Variants in HS6ST3 observed in about 807,000 individuals in gnomAD.
HS6ST3 encodes heparan sulfate 6-O-sulfotransferase 3, also known as heparan-sulfate 6-O-sulfotransferase 3.
A neutral mutation model predicts 36.7 loss-of-function variants in HS6ST3; 12 were observed. The ratio of observed to expected loss-of-function variants is 0.33; its 90% CI spans 0.21 to 0.53. HS6ST3 has a LOEUF of 0.53. HS6ST3 is among the 20% of genes least tolerant of loss of function. The pLI, the probability that HS6ST3 is intolerant of heterozygous loss-of-function variation, is 0.95. For synonymous variants in HS6ST3, 240 were observed against 257.5 expected (o/e 0.93, Z 0.65); for missense variants, 584 against 640.9 (o/e 0.91, Z 0.96).
chr13:96,592,214 T>G (rs1594813903), intron 1 of HS6ST3, among the ~76,000 whole-genome samples: 1 of 152,254 alleles, frequency 6.6e-6, no homozygotes. Flanking sequence ...TCATAACCCA[T>G]TATTTTAAGC....
chr13:96,388,409 G>C (rs1156904517), intron 1 of HS6ST3, among the ~76,000 whole-genome samples: 5 of 152,186 alleles, frequency 3.3e-5, no homozygotes, highest in African/African-American at 1.2e-4. Context: ...CAATATTAAT[G>C]TACTGAACTA....
chr13:96,330,112 C>T (rs1282225944), intron 1 of HS6ST3, among the ~76,000 whole-genome samples: 1 of 139,162 alleles, frequency 7.2e-6, no homozygotes, highest in Non-Finnish European at 1.6e-5. Context: ...ATACAGCACA[C>T]TGATGGGTCT....
At chr13:96,787,770 G>C (rs1042263236) in intron 1 of HS6ST3, among the ~76,000 whole-genome samples, 2 of 151,872 alleles carry the variant, frequency 1.3e-5, no homozygotes, top group Non-Finnish European at 2.9e-5. Context: ...TTTTGATAAG[G>C]TCAAATATAT....
chr13:96,559,182 T>G (rs2056252666), intron 1 of HS6ST3, among the ~76,000 whole-genome samples: 1 of 152,090 alleles, frequency 6.6e-6, no homozygotes, highest in Non-Finnish European at 1.5e-5. Flanking sequence ...AGTGGTGTGA[T>G]CTCAGCTCAC....
intron 1 of HS6ST3, among the ~76,000 whole-genome samples, chr13:96,335,550 A>C (rs1056050024): frequency 1.3e-5 from 2 of 152,154 alleles, no homozygotes; most frequent in Non-Finnish European, 2.9e-5. Flanking sequence ...TACTTACTGC[A>C]TACACCAATG....
intron 1 of HS6ST3, among the ~76,000 whole-genome samples, chr13:96,122,728 C>G (rs2053932154): frequency 6.6e-6 from 1 of 152,118 alleles, no homozygotes; most frequent in Admixed American, 6.6e-5. Context: ...ATATCTGTCT[C>G]TTTGCTACAT....
intron 1 of HS6ST3, among the ~76,000 whole-genome samples, chr13:96,464,019 GTT>G (rs66703746): frequency 0.16 from 19,624 of 126,332 alleles, 1,658 homozygotes; most frequent in African/African-American, 0.24. Context: ...CCATAGACAG[GTT>G]TTTTTTTTTT....
chr13:96,464,947 CGT>C (rs71113997), intron 1 of HS6ST3, among the ~76,000 whole-genome samples: 5,276 of 145,418 alleles, frequency 0.036, 199 homozygotes, highest in African/African-American at 0.088. Flanking sequence ...CAAGATGCTT[CGT>C]GTGTGTGTGT....
rs545103976 is a variant in HS6ST3 at position 96,698,582 on chromosome 13, CA to C, written c.708-133905del. Among the ~76,000 whole-genome samples the C allele has an allele frequency of 7.2e-4, 110 of 152,108 alleles. 2 individuals are homozygous for C. Among genetic ancestry groups the C allele is most frequent in the Non-Finnish European group, 1.2e-3 (82 of 68,036 alleles). On this transcript the variant is annotated intron_variant, in intron 1 of 1. Transcript: ENST00000376705. ...TGAAGGACCTCTTCAAGGAGAACTGCAAACCATTGATCAATAAAATGAGAGG... is the reference window on the plus strand; with the variant it reads ...TGAAGGACCTCTTCAAGGAGAACTGCAACCATTGATCAATAAAATGAGAGG...
chr13:96,540,355 T>G (rs2056173133), intron 1 of HS6ST3, among the ~76,000 whole-genome samples: 1 of 152,258 alleles, frequency 6.6e-6, no homozygotes, highest in Non-Finnish European at 1.5e-5. Context: ...GTATAAAACT[T>G]AATTAAAATG....
intron 1 of HS6ST3, among the ~76,000 whole-genome samples, chr13:96,611,429 T>C (rs895543301): frequency 6.6e-6 from 1 of 152,168 alleles, no homozygotes; most frequent in Non-Finnish European, 1.5e-5. Context: ...TCAACAAATG[T>C]ATGAATGCCA....
At chr13:96,358,276 G>A (rs925330790) in intron 1 of HS6ST3, among the ~76,000 whole-genome samples, 1 of 142,588 alleles carries the variant, frequency 7.0e-6, no homozygotes, top group African/African-American at 2.9e-5. Context: ...GGAGAAAGGT[G>A]GTGGGGCATA....
intron 1 of HS6ST3, among the ~76,000 whole-genome samples, chr13:96,558,021 TATC>T (rs1262417517): frequency 6.6e-6 from 1 of 152,226 alleles, no homozygotes; most frequent in Non-Finnish European, 1.5e-5. Flanking sequence ...GCTGTCCAAT[TATC>T]ATCAATAGGC....
chr13:96,512,937 C>T (rs1382269243), intron 1 of HS6ST3, among the ~76,000 whole-genome samples: 1 of 151,338 alleles, frequency 6.6e-6, no homozygotes, highest in East Asian at 1.9e-4. Flanking sequence ...ACAGGAGGAG[C>T]GATAGTATTG....
intron 1 of HS6ST3, among the ~76,000 whole-genome samples, chr13:96,464,691 G>A (rs2055803382): frequency 1.3e-5 from 2 of 152,130 alleles, no homozygotes; most frequent in Admixed American, 1.3e-4. Context: ...AGTAGAATTT[G>A]ATCACCTACT....
chr13:96,688,575 CT>C lies in HS6ST3; in HGVS notation c.708-143912del, dbSNP rs939809963. ...GAAGAGACGCTCACTTGATATAGAG[CT>C]TTATTCTAACCCCATCAACTGTCAA... On this transcript the variant is annotated intron_variant, in intron 1 of 1. Transcript: ENST00000376705. Among the ~76,000 whole-genome samples the C allele has an allele frequency of 6.9e-4, 105 of 152,146 alleles. 1 individual carries two copies. The highest frequency in any genetic ancestry group is 2.4e-3 in the African/African-American group (98 of 41,538).
intron 1 of HS6ST3, among the ~76,000 whole-genome samples, chr13:96,732,926 C>A (rs899861283): frequency 6.6e-6 from 1 of 152,036 alleles, no homozygotes; most frequent in East Asian, 1.9e-4. Flanking sequence ...TTCTTCATTT[C>A]TTTTTCAGAT....
At chr13:96,624,263 T>A (rs575715981) in intron 1 of HS6ST3, among the ~76,000 whole-genome samples, 2 of 152,310 alleles carry the variant, frequency 1.3e-5, no homozygotes, top group South Asian at 2.1e-4. Flanking sequence ...CCTCTCTACC[T>A]GACCACAGAA....
At chr13:96,172,727 G>A (rs1271850205) in intron 1 of HS6ST3, among the ~76,000 whole-genome samples, 3 of 152,168 alleles carry the variant, frequency 2.0e-5, no homozygotes, top group Non-Finnish European at 2.9e-5. Context: ...TATAGTTAGG[G>A]ATGAAAAGGA....
Sources: gnomAD v4.1 joint callset for allele counts (sites outside exome capture counted in the v4.1 genomes callset) on GRCh38, gnomAD v4.1.1 for gene constraint, MANE v1.5 for transcripts, NCBI Gene and HGNC (gene_info 2026-07-23, HGNC 2026-07-21) for gene names.